The following ING1 variants were observed in gnomAD, a reference collection of about 807,000 sequenced individuals.
ING1 encodes the protein inhibitor of growth protein 1.
ING1 carries 4 observed loss-of-function variants against 23.1 expected under a neutral mutation model. The observed-to-expected ratio is 0.17, with a 90% CI of 0.09 to 0.40. ING1 has a LOEUF of 0.40. Among genes scored for constraint, ING1 ranks in the 10% least tolerant of loss-of-function variants. ING1 has a pLI of 1.00. For synonymous variants in ING1, 179 were observed against 166.4 expected (o/e 1.08, Z -0.58); for missense variants, 256 against 393.8 (o/e 0.65, Z 2.96).
At chr13:110,717,827 A>G (rs1300392551) in intron 1 of ING1, among the ~76,000 whole-genome samples, 2 of 152,226 alleles carry the variant, frequency 1.3e-5, no homozygotes, top group South Asian at 4.1e-4. Flanking sequence ...CTCCGTTTCA[A>G]CAACAACAAA....
Position 110,721,571 on chromosome 13 carries a change from ATTTTTTTTT to A in ING1, c.*1652_*1660del, listed in dbSNP as rs775313148. 2.2e-5 allele frequency: 2 copies of A among 89,122 alleles called. No individual in the cohort carries two copies. The highest frequency in any genetic ancestry group is 4.3e-5 in the African/African-American group (1 of 23,036). The allele number at this position is 89,122 out of a possible 1,614,324, so 5.5% of individuals were successfully genotyped here. On this transcript the variant is annotated 3_prime_UTR_variant, in exon 2 of 2. Transcript: ENST00000333219. ...GCCACCGTGCCCGGCTGGAGTTTTC[ATTTTTTTTT>A]TTTTTTTTTTTTCTGAGATGGAGTC...
intron 1 of ING1, chr13:110,715,161 G>A (rs2139967611): frequency 1.7e-6 from 2 of 1,181,352 alleles, no homozygotes; most frequent in Non-Finnish European, 2.1e-6. Flanking sequence ...GGCTGTTGGG[G>A]AAACTTTCCT....
At chr13:110,718,753 A>T (rs1395710222) in intron 1 of ING1, among the ~76,000 whole-genome samples, 1 of 151,992 alleles carries the variant, frequency 6.6e-6, no homozygotes, top group East Asian at 1.9e-4. Context: ...TATTGTGTAT[A>T]AATGTAATAA....
upstream of ING1, chr13:110,712,668 TGGCCTCAGGAC>T: frequency 1.6e-6 from 1 of 637,156 alleles, no homozygotes; most frequent in Non-Finnish European, 2.9e-6. Context: ...GGGAGCTGAA[TGGCCTCAGGAC>T]GCCGGCCGAC....
Position 110,722,617 on chromosome 13 carries a change from T to C in ING1, c.*2685T>C, listed in dbSNP as rs1188557097. On this transcript the variant is annotated 3_prime_UTR_variant, in exon 2 of 2. Transcript: ENST00000333219. ...TTGCTTAACAGTTGGTCTATAGTTC[T>C]ACACTTTTAAAGTATGTTTCACAGA... is the stretch of plus-strand genomic sequence containing the variant. The C allele has an allele frequency of 6.6e-6, 1 of 152,244 alleles. No homozygotes were observed. The highest frequency in any genetic ancestry group is 2.4e-5 in the African/African-American group (1 of 41,458). The allele number at this position is 152,244 out of a possible 1,614,324, so 9.4% of individuals were successfully genotyped here.
At chr13:110,714,840 C>T (rs1403938427) in intron 1 of ING1, 9 of 360,122 alleles carry the variant, frequency 2.5e-5, no homozygotes, top group Non-Finnish European at 1.2e-5. Flanking sequence ...AGGTCGGCCG[C>T]CCCCGCCCAG....
Position 110,719,653 on chromosome 13 carries a change from G to C in ING1, c.561G>C (p.Lys187Asn). The change falls in exon 2 of 2, where the codon AAG becomes AAC. Residue 187 changes from lysine to asparagine, a missense_variant. Physicochemically the swap from Lys to Asn is moderately conservative, Grantham distance 94. Transcript: ENST00000333219. This position sits in a 1 kb window ranked among gnomAD's most constrained non-coding sequence, Gnocchi z 8.9. ...AGAAGGCCAAGACCTCCAAGAAGAA[G>C]AAGCGCTCCAAGGCCAAGGCGGAGC... ...KEKKAKTSKK[K>N]KRSKAKAERE... The C allele has an allele frequency of 6.2e-7, 1 of 1,612,882 alleles. No homozygotes were observed. Among genetic ancestry groups the C allele is most frequent in the African/African-American group, 1.3e-5 (1 of 74,834 alleles).
At chr13:110,716,609 C>T (rs767696811) in intron 1 of ING1, among the ~76,000 whole-genome samples, 9 of 152,196 alleles carry the variant, frequency 5.9e-5, no homozygotes, top group African/African-American at 2.2e-4. Flanking sequence ...TAAAAATACC[C>T]ACCCACCCCC....
At position 110,713,807 on chromosome 13, in the gene ING1, C is replaced by T; in HGVS notation, c.-343C>T. On this transcript the variant is annotated 5_prime_UTR_variant, in exon 1 of 2. Transcript: ENST00000333219. ...CCCAGCCCAGTGGGCGAGTGGGCAGCGGCGGCCGCGGCGCTGGGCCCTCTC... is the reference window on the plus strand; with the variant it reads ...CCCAGCCCAGTGGGCGAGTGGGCAGTGGCGGCCGCGGCGCTGGGCCCTCTC... The T allele has an allele frequency of 1.0e-6, 1 of 983,958 alleles. No homozygotes were observed. Among genetic ancestry groups the T allele is most frequent in the Non-Finnish European group, 1.2e-6 (1 of 829,166 alleles). The allele number at this position is 983,958 out of a possible 1,614,324, so 61.0% of individuals were successfully genotyped here. A position where few individuals can be genotyped will look rare whatever the true frequency, so the allele number is the denominator to read the frequency against.
Position 110,713,932 on chromosome 13 carries a change from C to G in ING1, c.-218C>G. On this transcript the variant is annotated 5_prime_UTR_variant, in exon 1 of 2. Coordinates refer to ENST00000333219, the MANE Select transcript of ING1 (RefSeq NM_198219.3). ...GGCCGGGGCGTGCGCCCGGGAGCCACCGCCACCGCGGCCCGCGCCCTCAGG... is the reference window on the plus strand; with the variant it reads ...GGCCGGGGCGTGCGCCCGGGAGCCAGCGCCACCGCGGCCCGCGCCCTCAGG... The G allele has an allele frequency of 1.0e-6, 1 of 993,944 alleles. No individual in the cohort carries two copies. The highest frequency in any genetic ancestry group is 1.2e-6 in the Non-Finnish European group (1 of 836,620). The allele number at this position is 993,944 out of a possible 1,614,324, so 61.6% of individuals were successfully genotyped here.
In ING1 at chr13:110,714,292, CCGGGTGATGGATGGG is replaced by C; in HGVS notation, c.136+12_136+26del. The C allele has an allele frequency of 6.4e-7, 1 of 1,555,522 alleles. No homozygotes were observed. Among genetic ancestry groups the C allele is most frequent in the Non-Finnish European group, 8.7e-7 (1 of 1,152,756 alleles). On this transcript the variant is annotated splice_region_variant and intron_variant, in intron 1 of 1. Transcript: ENST00000333219. ...ATCGACGCGAAATACCAAGGTACGG[CCGGGTGATGGATGGG>C]CGGGGGCGGCCGCCTCCTTCCCGGC... is the stretch of plus-strand genomic sequence containing the variant.
At chr13:110,715,837 C>G (rs775860197) in intron 1 of ING1, 1 of 1,590,428 alleles carries the variant, frequency 6.3e-7, no homozygotes, top group Non-Finnish European at 8.5e-7. Context: ...CCCGCTCAGC[C>G]CGGCCACTTT....
At chr13:110,715,682 T>A in intron 1 of ING1, 1 of 1,604,192 alleles carries the variant, frequency 6.2e-7, no homozygotes, top group Middle Eastern at 1.7e-4. Flanking sequence ...TCTTCCGCCC[T>A]GCGGTGTGGT....
upstream of ING1, chr13:110,713,500 C>T: frequency 2.0e-6 from 2 of 986,956 alleles, no homozygotes; most frequent in South Asian, 9.1e-5. Flanking sequence ...GTCCCCTCCG[C>T]GACCCTCGCC....
chr13:110,715,684 C>G, intron 1 of ING1: 1 of 1,603,290 alleles, frequency 6.2e-7, no homozygotes, highest in Non-Finnish European at 8.5e-7. Flanking sequence ...TTCCGCCCTG[C>G]GGTGTGGTTG....
chr13:110,719,292 A>G lies in ING1; in HGVS notation c.200A>G (p.Lys67Arg). ...AGTCGCGAGACAGACGGGGCGCAGA[A>G]GCGGCGGATGCTGCACTGTGTGCAG... ...RFSRETDGAQ[K>R]RRMLHCVQRA... The change falls in exon 2 of 2, where the codon AAG becomes AGG. Residue 67 changes from lysine (K) to arginine (R), a missense_variant. Around this residue, in one of 3 missense-constraint regions of ING1, gnomAD observed 209 missense variants for 273.8 expected, o/e 0.76. Transcript: ENST00000333219. The surrounding 1 kb of genome is among the most constrained non-coding windows in gnomAD (Gnocchi z 8.9). 1.2e-6 allele frequency: 2 copies of G among 1,611,118 alleles called. No individual in the cohort carries two copies. Among genetic ancestry groups the G allele is most frequent in the Non-Finnish European group, 1.7e-6 (2 of 1,179,934 alleles).
rs1283416728 is a variant in ING1, at chr13:110,714,221, G to A, written c.72G>A (p.Glu24=). ...TGGAGGACTACCTGGACTCCATCGA[G>A]TCCCTGCCTTTCGACTTGCAGAGAA... The part of the protein sequence containing the change: ...NYVEDYLDSI[E]SLPFDLQRNV... Residue 24 remains glutamate, a synonymous_variant, in exon 1 of 2, where the codon GAG becomes GAA. Transcript: ENST00000333219. The A allele has an allele frequency of 6.3e-7, 1 of 1,574,868 alleles. No homozygotes were observed. Among genetic ancestry groups the A allele is most frequent in the Admixed American group, 1.8e-5 (1 of 54,716 alleles).
Position 110,714,042 on chromosome 13 carries a change from G to A in ING1, c.-108G>A. On this transcript the variant is annotated 5_prime_UTR_variant, in exon 1 of 2. Coordinates refer to ENST00000333219, the MANE Select transcript of ING1 (RefSeq NM_198219.3). ...CCGAAGCAGGAGCCGGCGGGGGGGC[G>A]CCGGGAGAGCGAGGGCTTTGCATTT... is the stretch of plus-strand genomic sequence containing the variant. 1 of 1,234,682 alleles carries A rather than the reference G, an allele frequency of 8.1e-7. No homozygotes were observed. The highest frequency in any genetic ancestry group is 4.2e-5 in the Admixed American group (1 of 23,712). 76.5% of individuals were successfully genotyped at this position (1,234,682 alleles called of 1,614,324 possible).
At chr13:110,718,607 G>A in intron 1 of ING1, among the ~76,000 whole-genome samples, 1 of 151,936 alleles carries the variant, frequency 6.6e-6, no homozygotes, top group East Asian at 1.9e-4. Context: ...ATCATAGAGA[G>A]CTATTATATA....
Sources: allele counts gnomAD v4.1 joint callset (sites outside exome capture counted in the v4.1 genomes callset), GRCh38; gene constraint gnomAD v4.1.1; regional missense constraint gnomAD v4.1.1; non-coding constraint Gnocchi (gnomAD v3.1); transcripts MANE v1.5; gene names NCBI Gene and HGNC (gene_info 2026-07-23, HGNC 2026-07-21).